Variants in DNAJC1 observed in about 807,000 individuals in gnomAD.
DNAJC1 encodes dnaJ homolog subfamily C member 1.
DNAJC1 carries 58 observed loss-of-function variants against 76.6 expected under a neutral mutation model. The observed-to-expected ratio is 0.76, with a 90% CI of 0.61 to 0.94. DNAJC1 has a LOEUF of 0.94. DNAJC1 is among the 40% of genes least tolerant of loss of function. DNAJC1 has a pLI of 0.00. For synonymous variants in DNAJC1, 258 were observed against 267.9 expected, an observed-to-expected ratio of 0.96 and a Z score of 0.36; for missense variants, 689 against 677.3, an observed-to-expected ratio of 1.02 and a Z score of -0.19.
chr10:21,828,381 A>G (rs1835298108), intron 8 of DNAJC1, among the ~76,000 whole-genome samples: 1 of 152,218 alleles, frequency 6.6e-6, no homozygotes, highest in Admixed American at 6.5e-5. Flanking sequence ...AGATATCCAG[A>G]TAATGTTGAA....
At chr10:21,843,123 T>C (rs1383707577) in intron 8 of DNAJC1, among the ~76,000 whole-genome samples, 1 of 152,158 alleles carries the variant, frequency 6.6e-6, no homozygotes, top group East Asian at 1.9e-4. Context: ...TATTTGGAAT[T>C]GAGGAAAAAT....
intron 8 of DNAJC1, among the ~76,000 whole-genome samples, chr10:21,823,970 T>TACAATAAATG (rs1835201308): frequency 6.6e-6 from 1 of 152,184 alleles, no homozygotes; most frequent in Non-Finnish European, 1.5e-5. Context: ...AAAAACTAGA[T>TACAATAAATG]ACAATAAATG....
chr10:22,003,341 G>T lies in DNAJC1; in HGVS notation c.94C>A (p.Leu32Met), dbSNP rs564034777. The T allele has an allele frequency of 5.5e-6, 8 of 1,452,046 alleles. No homozygotes were observed. The African/African-American group carries it at 1.2e-4, about 22-fold the overall frequency. 89.9% of individuals were successfully genotyped at this position (1,452,046 alleles called of 1,614,324 possible). A position where few individuals can be genotyped will look rare whatever the true frequency, so the allele number is the denominator to read the frequency against. ...FPPPPPRTPL[L>M]WLLLLLLAAV... The stretch of plus-strand genomic sequence containing the variant: ...GCCAGCAGCAGCAGCAGCAGCCACA[G>T]CAGCGGCGTCCGCGGCGGCGGCGGC... Residue 32 changes from leucine (L) to methionine (M), a missense_variant, in exon 1 of 12, where the codon CTG (leucine) becomes ATG (methionine). Physicochemically the swap from Leu to Met is conservative, Grantham distance 15 (BLOSUM62 2). Transcript: ENST00000376980.
At chr10:21,762,196 C>A (rs778072377) in intron 10 of DNAJC1, among the ~76,000 whole-genome samples, 2 of 152,138 alleles carry the variant, frequency 1.3e-5, no homozygotes, top group Non-Finnish European at 2.9e-5. Context: ...CTCAGCCTCC[C>A]AAAGTGTTGG....
At chr10:21,851,072 AG>A (rs1835743847) in intron 8 of DNAJC1, among the ~76,000 whole-genome samples, 1 of 152,214 alleles carries the variant, frequency 6.6e-6, no homozygotes, top group Non-Finnish European at 1.5e-5. Context: ...AAGAAAGCAT[AG>A]GGGTAAAATT....
chr10:21,938,346 TA>T (rs74419481), intron 1 of DNAJC1, among the ~76,000 whole-genome samples: 228 of 143,952 alleles, frequency 1.6e-3, no homozygotes, highest in Admixed American at 1.4e-3. Flanking sequence ...TAAACACACT[TA>T]AAAAAAAAAA....
chr10:21,842,376 T>C (rs1835588789), intron 8 of DNAJC1, among the ~76,000 whole-genome samples: 1 of 152,034 alleles, frequency 6.6e-6, no homozygotes, highest in African/African-American at 2.4e-5. Flanking sequence ...CTGAGGGATT[T>C]CCAAGGAAGA....
At chr10:21,789,704 T>C (rs1834656985) in intron 9 of DNAJC1, among the ~76,000 whole-genome samples, 1 of 151,968 alleles carries the variant, frequency 6.6e-6, no homozygotes, top group African/African-American at 2.4e-5. Context: ...AGCTGAACAA[T>C]TCAATGAATA....
At chr10:21,934,262 T>G (rs1256661862) in intron 1 of DNAJC1, among the ~76,000 whole-genome samples, 1 of 151,600 alleles carries the variant, frequency 6.6e-6, no homozygotes, top group East Asian at 1.9e-4. Flanking sequence ...AAAAAGCTTA[T>G]AAGGATATAA....
chr10:21,907,405 G>C (rs1836765066), intron 6 of DNAJC1, among the ~76,000 whole-genome samples: 1 of 151,248 alleles, frequency 6.6e-6, no homozygotes, highest in Non-Finnish European at 1.5e-5. Flanking sequence ...ATGAACTCAA[G>C]CAATTCTACT....
chr10:21,835,353 T>C (rs766337821), intron 8 of DNAJC1, among the ~76,000 whole-genome samples: 4 of 151,792 alleles, frequency 2.6e-5, no homozygotes, highest in Admixed American at 6.6e-5. Context: ...AGACCAAAGG[T>C]AGATAAAACC....
At chr10:21,993,975 C>A (rs1838372565) in intron 1 of DNAJC1, among the ~76,000 whole-genome samples, 1 of 152,118 alleles carries the variant, frequency 6.6e-6, no homozygotes, top group African/African-American at 2.4e-5. Flanking sequence ...CTAATACTTT[C>A]TACTACCTTG....
intron 8 of DNAJC1, among the ~76,000 whole-genome samples, chr10:21,858,433 TTTC>T (rs530827902): frequency 7.6e-4 from 116 of 152,336 alleles, no homozygotes; most frequent in African/African-American, 2.5e-3. Context: ...TTAAAAGACC[TTTC>T]TTTTTACCTG....
At chr10:21,875,221 T>C (rs1446327470) in intron 8 of DNAJC1, among the ~76,000 whole-genome samples, 1 of 152,108 alleles carries the variant, frequency 6.6e-6, no homozygotes, top group African/African-American at 2.4e-5. Context: ...AGTGATGTGA[T>C]CAGAGCTCAT....
At chr10:21,881,802 G>A (rs1328481110) in intron 8 of DNAJC1, among the ~76,000 whole-genome samples, 1 of 137,962 alleles carries the variant, frequency 7.2e-6, no homozygotes, top group African/African-American at 2.7e-5. Context: ...AATGGTGCCC[G>A]TAAACTTGCT....
intron 8 of DNAJC1, among the ~76,000 whole-genome samples, chr10:21,858,941 T>C (rs1021502863): frequency 8.5e-5 from 13 of 152,258 alleles, no homozygotes; most frequent in Admixed American, 6.5e-4. Flanking sequence ...ATCTGCTTAC[T>C]AGATTTAAAA....
chr10:21,838,891 A>C (rs1038558336), intron 8 of DNAJC1, among the ~76,000 whole-genome samples: 1 of 152,226 alleles, frequency 6.6e-6, no homozygotes, highest in African/African-American at 2.4e-5. Flanking sequence ...AGAAATTATA[A>C]CAAACTGTCT....
chr10:21,765,770 G>C (rs1268126633), intron 10 of DNAJC1, among the ~76,000 whole-genome samples: 2 of 152,160 alleles, frequency 1.3e-5, no homozygotes, highest in Non-Finnish European at 2.9e-5. Flanking sequence ...CTTGAACCTG[G>C]GAGGCAGAGG....
intron 9 of DNAJC1, among the ~76,000 whole-genome samples, chr10:21,778,338 C>A (rs1414145943): frequency 1.3e-5 from 2 of 152,188 alleles, no homozygotes; most frequent in Non-Finnish European, 2.9e-5. Flanking sequence ...CACTTTACAT[C>A]TCTGCCCATA....
Sources: gnomAD v4.1 joint callset for allele counts (sites outside exome capture counted in the v4.1 genomes callset) on GRCh38, gnomAD v4.1.1 for gene constraint, MANE v1.5 for transcripts, NCBI Gene and HGNC (gene_info 2026-07-23, HGNC 2026-07-21) for gene names.